The following IGF2BP3 variants were observed in gnomAD, a reference collection of about 807,000 sequenced individuals.
IGF2BP3 encodes insulin-like growth factor 2 mRNA-binding protein 3.
Under a neutral mutation model 73.8 loss-of-function variants are expected in IGF2BP3, and 9 were observed. The ratio of observed to expected loss-of-function variants is 0.12; its 90% CI spans 0.07 to 0.21. The LOEUF is 0.21. IGF2BP3 is among the 10% of genes least tolerant of loss of function. The pLI is 1.00. For synonymous variants in IGF2BP3, 258 were observed against 256.7 expected, an observed-to-expected ratio of 1.01 and a Z score of -0.05; for missense variants, 542 against 714.0, an observed-to-expected ratio of 0.76 and a Z score of 2.75.
At chr7:23,396,471 T>C (rs1786468636) in intron 3 of IGF2BP3, 2 of 185,382 alleles carry the variant, frequency 1.1e-5, no homozygotes, top group Non-Finnish European at 2.4e-5. Context: ...CCAAAATAGC[T>C]GGAATTACTG....
chr7:23,313,830 A>G (rs756463043), intron 12 of IGF2BP3, among the ~76,000 whole-genome samples, 177 bp from the exon 13 acceptor site: 6 of 152,254 alleles, frequency 3.9e-5, no homozygotes, highest in Non-Finnish European at 5.9e-5. Context: ...AAGGTTGACA[A>G]TAACTACTGC....
Position 23,470,035 on chromosome 7 carries a change from T to C in IGF2BP3, c.76A>G (p.Lys26Glu). The C allele has an allele frequency of 6.2e-7, 1 of 1,612,490 alleles. No individual in the cohort carries two copies. The highest frequency in any genetic ancestry group is 1.7e-5 in the Admixed American group (1 of 59,930). Residue 26 changes from lysine to glutamate, a missense_variant, in exon 1 of 15, where the codon AAG becomes GAG. By Grantham distance (56) the Lys-to-Glu change is moderately conservative (BLOSUM62 1). Around this residue, in one of 2 missense-constraint regions of IGF2BP3, gnomAD observed 239 missense variants for 241.9 expected, o/e 0.99. Coordinates refer to ENST00000258729, the MANE Select transcript of IGF2BP3 (RefSeq NM_006547.3). ...SDLESIFKDA[K>E]IPVSGPFLVK... ...AGGAAGGGTCCCGACACCGGGATCT[T>C]GGCGTCCTTGAAGATACTTTCTAGG...
chr7:23,440,557 T>C (rs1674612712), intron 2 of IGF2BP3, among the ~76,000 whole-genome samples: 2 of 152,388 alleles, frequency 1.3e-5, no homozygotes, highest in South Asian at 4.1e-4. Flanking sequence ...GAAATCAGTG[T>C]TTTGGAAATG....
chr7:23,382,279 G>C (rs1279021124), intron 3 of IGF2BP3, among the ~76,000 whole-genome samples: 1 of 152,052 alleles, frequency 6.6e-6, no homozygotes, highest in Non-Finnish European at 1.5e-5. Flanking sequence ...TATGTAATGG[G>C]CACTACACAG....
In IGF2BP3 at chr7:23,470,098, A is replaced by G; in HGVS notation, c.13T>C (p.Tyr5His). ...GCGTTCTCGCTGAGGTTTCCGATAT[A>G]CAGTTTGTTCATTGTGAAGAGTGGT... MNKLYIGNLSENAAP... is the reference protein window; with the variant it reads MNKLHIGNLSENAAP... The change falls in exon 1 of 15, where the codon TAT becomes CAT. Residue 5 changes from tyrosine to histidine, a missense_variant. Physicochemically the swap from Tyr to His is moderately conservative, Grantham distance 83 (BLOSUM62 2). Transcript: ENST00000258729. 6.2e-7 allele frequency: 1 copy of G among 1,607,758 alleles called. No individual in the cohort carries two copies. The highest frequency in any genetic ancestry group is 2.2e-5 in the East Asian group (1 of 44,674).
At position 23,331,000 on chromosome 7, in the gene IGF2BP3, T is replaced by C. The variant is rs533486364; in HGVS notation, c.1203+11064A>G. ...TTTTAGTAGAGATGGGGTTTTACCA[T>C]GTTGGCCAGGCTGGTCTCAAATGCC... On this transcript the variant is annotated intron_variant, in intron 10 of 14. Coordinates refer to ENST00000258729, the MANE Select transcript of IGF2BP3 (RefSeq NM_006547.3). 6.6e-5 allele frequency among the ~76,000 whole-genome samples: 10 copies of C among 152,284 alleles called. No homozygotes were observed. In the South Asian group the frequency reaches 1.9e-3, roughly 28 times the overall value.
At chr7:23,405,000 AATG>A (rs1271706955) in intron 3 of IGF2BP3, 1 of 152,174 alleles carries the variant, frequency 6.6e-6, no homozygotes, top group Non-Finnish European at 1.5e-5. Context: ...TTAAATTTAA[AATG>A]ATGAGCACTG....
intron 10 of IGF2BP3, among the ~76,000 whole-genome samples, chr7:23,335,442 G>A (rs538095077): frequency 2.6e-5 from 4 of 151,784 alleles, no homozygotes; most frequent in Middle Eastern, 3.4e-3. Flanking sequence ...CACCACCCCC[G>A]GCTAATCTAA....
chr7:23,458,889 T>C (rs1788381113), intron 2 of IGF2BP3, among the ~76,000 whole-genome samples: 1 of 152,192 alleles, frequency 6.6e-6, no homozygotes, highest in Non-Finnish European at 1.5e-5. Context: ...ACTGCAAACA[T>C]GATTGGGCTC....
chr7:23,390,206 A>C (rs1786228110), intron 3 of IGF2BP3, among the ~76,000 whole-genome samples: 1 of 152,178 alleles, frequency 6.6e-6, no homozygotes, highest in Non-Finnish European at 1.5e-5. Context: ...ATAGCCTAAA[A>C]ATTCACTCTG....
At chr7:23,437,149 G>T (rs1787825621) in intron 2 of IGF2BP3, among the ~76,000 whole-genome samples, 1 of 151,570 alleles carries the variant, frequency 6.6e-6, no homozygotes, top group Admixed American at 6.6e-5. Flanking sequence ...GCAAATATAG[G>T]ATACTTTTTA....
chr7:23,323,954 C>T (rs1784225604), intron 10 of IGF2BP3, among the ~76,000 whole-genome samples: 1 of 151,598 alleles, frequency 6.6e-6, no homozygotes. Flanking sequence ...ACTAAATGCC[C>T]ACAAGAGAAA....
intron 3 of IGF2BP3, among the ~76,000 whole-genome samples, chr7:23,388,924 A>G (rs1380791338): frequency 6.6e-6 from 1 of 152,156 alleles, no homozygotes; most frequent in South Asian, 2.1e-4. Flanking sequence ...AAATAGTAGT[A>G]TATCTACACA....
chr7:23,404,512 A>T (rs1044634119), intron 3 of IGF2BP3, among the ~76,000 whole-genome samples: 27 of 152,176 alleles, frequency 1.8e-4, no homozygotes, highest in African/African-American at 6.3e-4. Context: ...TTTGAAAAGC[A>T]TCATACACCC....
intron 3 of IGF2BP3, among the ~76,000 whole-genome samples, chr7:23,382,359 T>C (rs1409239374): frequency 3.3e-5 from 5 of 151,796 alleles, no homozygotes; most frequent in African/African-American, 1.2e-4. Context: ...GAAAACACTG[T>C]AGTTTGAGTA....
In IGF2BP3 at chr7:23,337,369, T is replaced by C. The variant is rs560429917; in HGVS notation, c.1203+4695A>G. The stretch of plus-strand genomic sequence containing the variant: ...ACCACAGGAATGGGAATCTGGAATA[T>C]GGAATTTTCTCCTCCAGAATTTAGA... On this transcript the variant is annotated intron_variant, in intron 10 of 14. Coordinates refer to ENST00000258729, the MANE Select transcript of IGF2BP3 (RefSeq NM_006547.3). Among the ~76,000 whole-genome samples the C allele has an allele frequency of 9.2e-5, 14 of 152,366 alleles. No homozygotes were observed. In the South Asian group the frequency reaches 2.1e-3, roughly 23 times the overall value.
chr7:23,442,267 A>G (rs780001475), intron 2 of IGF2BP3, among the ~76,000 whole-genome samples: 4 of 152,284 alleles, frequency 2.6e-5, no homozygotes, highest in Non-Finnish European at 5.9e-5. Context: ...ATTTCAAGTA[A>G]GCAATGGAAA....
intron 10 of IGF2BP3, among the ~76,000 whole-genome samples, chr7:23,327,931 C>T (rs1006251383): frequency 2.0e-5 from 3 of 152,098 alleles, no homozygotes; most frequent in Non-Finnish European, 4.4e-5. Flanking sequence ...ACACACAGGC[C>T]GTGCCACTCG....
intron 3 of IGF2BP3, among the ~76,000 whole-genome samples, chr7:23,388,346 G>T (rs1330605217): frequency 6.6e-6 from 1 of 152,130 alleles, no homozygotes; most frequent in Non-Finnish European, 1.5e-5. Flanking sequence ...TATCAACTTA[G>T]GTTCAGTAAT....
Sources: allele counts gnomAD v4.1 joint callset (sites outside exome capture counted in the v4.1 genomes callset), GRCh38; gene constraint gnomAD v4.1.1; regional missense constraint gnomAD v4.1.1; transcripts MANE v1.5; gene names NCBI Gene and HGNC (gene_info 2026-07-23, HGNC 2026-07-21).